Variants in XKR4 observed in about 807,000 individuals in gnomAD.
XKR4 encodes the protein XK related 4, also known as XK-related protein 4.
A neutral mutation model predicts 53.9 loss-of-function variants in XKR4; 12 were observed. The observed-to-expected ratio is 0.22, with a 90% CI of 0.14 to 0.36. The LOEUF is 0.36. Among genes scored for constraint, XKR4 ranks in the 10% least tolerant of loss-of-function variants. The probability of loss-of-function intolerance (pLI) is 1.00; values close to 1 mark genes in which losing one functional copy is unlikely to be tolerated. For missense variants in XKR4, 799 were observed against 859.5 expected (o/e 0.93, Z 0.88); for synonymous variants, 354 against 362.4 (o/e 0.98, Z 0.26).
chr8:55,112,773 A>T (rs1028877161), intron 1 of XKR4, among the ~76,000 whole-genome samples: 5 of 151,774 alleles, frequency 3.3e-5, no homozygotes, highest in African/African-American at 1.2e-4. Flanking sequence ...TTTTGTTTTG[A>T]TAGACTTCCA....
chr8:55,487,885 T>C (rs1277276461), intron 2 of XKR4, among the ~76,000 whole-genome samples: 1 of 152,182 alleles, frequency 6.6e-6, no homozygotes, highest in Non-Finnish European at 1.5e-5. Flanking sequence ...GTAAAGCCAA[T>C]AGCAGATAAT....
intron 2 of XKR4, among the ~76,000 whole-genome samples, chr8:55,406,608 A>T (rs531084110): frequency 1.3e-5 from 2 of 152,350 alleles, no homozygotes; most frequent in East Asian, 3.9e-4. Flanking sequence ...ATGTGTGTCA[A>T]CAACCACTTG....
intron 2 of XKR4, among the ~76,000 whole-genome samples, chr8:55,487,311 C>G (rs1002990250): frequency 6.6e-6 from 1 of 152,152 alleles, no homozygotes; most frequent in Non-Finnish European, 1.5e-5. Context: ...TTTATTTGTT[C>G]TCTATGAGCC....
At chr8:55,359,783 G>A (rs1585537633) in intron 2 of XKR4, among the ~76,000 whole-genome samples, 2 of 151,530 alleles carry the variant, frequency 1.3e-5, no homozygotes, top group African/African-American at 2.4e-5. Context: ...GTTTAAGGAC[G>A]ATACATAAAA....
At chr8:55,304,453 C>T (rs1819260584) in intron 1 of XKR4, among the ~76,000 whole-genome samples, 2 of 152,262 alleles carry the variant, frequency 1.3e-5, no homozygotes, top group East Asian at 1.9e-4. Flanking sequence ...TGGTGTGGTG[C>T]TGAGAAGAAT....
chr8:55,449,625 C>A, intron 2 of XKR4: 2 of 1,048,254 alleles, frequency 1.9e-6, no homozygotes, highest in Non-Finnish European at 1.5e-6. Flanking sequence ...AAGGCCTTCT[C>A]ATCCACGCTC....
At position 55,165,016 on chromosome 8, in the gene XKR4, A is replaced by G. The variant is rs191778357; in HGVS notation, c.806+61722A>G. 4.5e-4 allele frequency among the ~76,000 whole-genome samples: 68 copies of G among 152,318 alleles called. 1 individual carries two copies. Among genetic ancestry groups the G allele is most frequent in the Middle Eastern group, 3.4e-3 (1 of 294 alleles). On this transcript the variant is annotated intron_variant, in intron 1 of 2. Transcript: ENST00000327381. ...CTTATCAAAAGGCGAAATCTACAAA[A>G]TTATGGCCCAGTGGCAGAAAGGAAG...
At chr8:55,443,653 C>T (rs1805304240) in intron 2 of XKR4, among the ~76,000 whole-genome samples, 1 of 149,564 alleles carries the variant, frequency 6.7e-6, no homozygotes, top group African/African-American at 2.5e-5. Flanking sequence ...ACCATCCTGG[C>T]CAACAAGGTG....
intron 2 of XKR4, among the ~76,000 whole-genome samples, chr8:55,476,966 G>A (rs1230619977): frequency 1.3e-5 from 2 of 152,154 alleles, no homozygotes; most frequent in East Asian, 3.9e-4. Context: ...ACCTCTGGGG[G>A]CAGGGCACAG....
chr8:55,102,483 G>A lies in XKR4; in HGVS notation c.-6G>A. Reference sequence around the variant, plus strand: ...AAGGAGGGCTCTCCTCCGGTGTGGAGGCATCATGGCCGCTAAATCAGACGG... The same window carrying A: ...AAGGAGGGCTCTCCTCCGGTGTGGAAGCATCATGGCCGCTAAATCAGACGG... On this transcript the variant is annotated 5_prime_UTR_variant, in exon 1 of 3. Coordinates refer to ENST00000327381, the MANE Select transcript of XKR4 (RefSeq NM_052898.2). This position sits in a 1 kb window ranked among gnomAD's most constrained non-coding sequence, Gnocchi z 5.1. The A allele has an allele frequency of 6.5e-7, 1 of 1,547,766 alleles. No homozygotes were observed. Among genetic ancestry groups the A allele is most frequent in the Admixed American group, 1.8e-5 (1 of 55,720 alleles).
At chr8:55,134,203 T>A (rs1030090952) in intron 1 of XKR4, among the ~76,000 whole-genome samples, 1 of 152,236 alleles carries the variant, frequency 6.6e-6, no homozygotes, top group Non-Finnish European at 1.5e-5. Flanking sequence ...CACCCGAAAT[T>A]CTAGAAGAGA....
intron 2 of XKR4, among the ~76,000 whole-genome samples, chr8:55,426,081 G>A (rs1241086684): frequency 6.6e-6 from 1 of 152,138 alleles, no homozygotes; most frequent in Non-Finnish European, 1.5e-5. Flanking sequence ...ATGGGTGACT[G>A]GAGCTATCTC....
At chr8:55,391,759 G>A (rs187614025) in intron 2 of XKR4, among the ~76,000 whole-genome samples, 149 of 152,102 alleles carry the variant, frequency 9.8e-4, no homozygotes, top group Middle Eastern at 3.4e-3. Context: ...ATTAAAATAA[G>A]CATATGAATT....
At chr8:55,185,398 G>A (rs535021149) in intron 1 of XKR4, among the ~76,000 whole-genome samples, 4 of 152,262 alleles carry the variant, frequency 2.6e-5, no homozygotes, top group African/African-American at 9.6e-5. Flanking sequence ...TGATGTGCAT[G>A]TATTCCTTTT....
At chr8:55,422,793 A>G (rs949715663) in intron 2 of XKR4, among the ~76,000 whole-genome samples, 1 of 152,210 alleles carries the variant, frequency 6.6e-6, no homozygotes, top group Admixed American at 6.5e-5. Flanking sequence ...TAGGAAAAAA[A>G]CTTGAGGTAA....
chr8:55,316,767 C>T (rs372604470), intron 1 of XKR4, among the ~76,000 whole-genome samples: 2 of 152,220 alleles, frequency 1.3e-5, no homozygotes, highest in South Asian at 4.2e-4. Context: ...TACCGCAACC[C>T]CCAAGCATAT....
chr8:55,354,953 G>A (rs531050513), intron 1 of XKR4, among the ~76,000 whole-genome samples: 35 of 150,628 alleles, frequency 2.3e-4, no homozygotes, highest in African/African-American at 8.3e-4. Flanking sequence ...GCCCAGGATG[G>A]AGCGCAATGA....
At chr8:55,173,057 G>A (rs1817184212) in intron 1 of XKR4, among the ~76,000 whole-genome samples, 1 of 152,172 alleles carries the variant, frequency 6.6e-6, no homozygotes, top group African/African-American at 2.4e-5. Flanking sequence ...TGTGTTATAG[G>A]AAATGCTCAC....
chr8:55,481,493 C>T (rs1806105776), intron 2 of XKR4, among the ~76,000 whole-genome samples: 1 of 152,130 alleles, frequency 6.6e-6, no homozygotes, highest in Non-Finnish European at 1.5e-5. Flanking sequence ...TGGGCAAGGA[C>T]TTCATGTCTA....
Sources: allele counts gnomAD v4.1 joint callset (sites outside exome capture counted in the v4.1 genomes callset), GRCh38; gene constraint gnomAD v4.1.1; non-coding constraint Gnocchi (gnomAD v3.1); transcripts MANE v1.5; gene names NCBI Gene and HGNC (gene_info 2026-07-23, HGNC 2026-07-21).